Variants in CSMD2 observed in about 807,000 individuals in gnomAD.
CSMD2 encodes CUB and Sushi multiple domains 2, also known as CUB and sushi domain-containing protein 2.
CSMD2 carries 130 observed loss-of-function variants against 398.5 expected under a neutral mutation model. That is an observed-to-expected ratio of 0.33 (90% CI 0.28 to 0.38). The LOEUF is 0.38. CSMD2 is among the 10% of genes least tolerant of loss of function. CSMD2 has a pLI of 1.00. For synonymous variants in CSMD2, 1,828 were observed against 1,908.5 expected (o/e 0.96, Z 1.10); for missense variants, 3,829 against 4,764.9 (o/e 0.80, Z 5.78).
intron 5 of CSMD2, among the ~76,000 whole-genome samples, chr1:33,860,296 G>A (rs1369936811): frequency 1.3e-5 from 2 of 152,166 alleles, no homozygotes; most frequent in South Asian, 2.1e-4. Context: ...GTACTGATCA[G>A]GTATTTGGTA....
chr1:33,626,047 G>A (rs535863051), intron 33 of CSMD2, among the ~76,000 whole-genome samples: 1 of 152,354 alleles, frequency 6.6e-6, no homozygotes, highest in East Asian at 1.9e-4. Flanking sequence ...CGTAGCTGGA[G>A]CCTAGCTCGA....
chr1:33,911,817 A>AAAGGGAGATGCCTAGGCTCC (rs1553251385), intron 5 of CSMD2, among the ~76,000 whole-genome samples: 1 of 152,204 alleles, frequency 6.6e-6, no homozygotes, highest in African/African-American at 2.4e-5. Flanking sequence ...GCCTAGGCTC[A>AAAGGGAGATGCCTAGGCTCC]AAGGTAGATG....
chr1:34,162,128 C>T (rs1364710155), intron 1 of CSMD2, among the ~76,000 whole-genome samples: 2 of 145,840 alleles, frequency 1.4e-5, no homozygotes, highest in African/African-American at 2.5e-5. Context: ...GCCGAGATTG[C>T]GCCATTGCAC....
At chr1:33,627,734 G>T (rs1045756892) in intron 32 of CSMD2, among the ~76,000 whole-genome samples, 2 of 152,246 alleles carry the variant, frequency 1.3e-5, no homozygotes. Context: ...CAGCTAACAT[G>T]TAGCTGCCAA....
intron 19 of CSMD2, among the ~76,000 whole-genome samples, chr1:33,721,621 C>T (rs1448780353): frequency 6.6e-6 from 1 of 152,166 alleles, no homozygotes. Flanking sequence ...CCCTCCCCTC[C>T]TTAGGAACAA....
intron 1 of CSMD2, among the ~76,000 whole-genome samples, chr1:34,150,604 G>A (rs1281256947): frequency 6.6e-6 from 1 of 152,076 alleles, no homozygotes; most frequent in Admixed American, 6.5e-5. Context: ...CTAAGCATAG[G>A]GCCTGAGTGT....
chr1:33,812,933 G>A (rs1657023450), intron 9 of CSMD2: 1 of 152,036 alleles, frequency 6.6e-6, no homozygotes, highest in African/African-American at 2.4e-5. Context: ...AAGTACACTC[G>A]AGACTGGCAA....
chr1:34,041,413 C>CT, intron 2 of CSMD2, among the ~76,000 whole-genome samples: 1 of 152,320 alleles, frequency 6.6e-6, no homozygotes, highest in Middle Eastern at 3.4e-3. Context: ...AATTCTTCCC[C>CT]TTTATGCATG....
Position 33,559,225 on chromosome 1 carries a change from C to T in CSMD2, c.8554+75G>A. On this transcript the variant is annotated intron_variant, in intron 54 of 70. Transcript: ENST00000373381. This position sits in a 1 kb window ranked among gnomAD's most constrained non-coding sequence, Gnocchi z 4.0. ...AATGATGCCAGAATGAATTCACTGG[C>T]TTCTTTTTCTGAGCTACAGAACCAC... 2 of 1,349,504 alleles carry T rather than the reference C, an allele frequency of 1.5e-6. No individual in the cohort carries two copies. Among genetic ancestry groups the T allele is most frequent in the Non-Finnish European group, 2.0e-6 (2 of 994,958 alleles). The allele number at this position is 1,349,504 out of a possible 1,614,324, so 83.6% of individuals were successfully genotyped here. A position where few individuals can be genotyped will look rare whatever the true frequency, so the allele number is the denominator to read the frequency against.
intron 48 of CSMD2, among the ~76,000 whole-genome samples, chr1:33,579,698 G>C (rs1286238625): frequency 6.8e-6 from 1 of 148,102 alleles, no homozygotes; most frequent in Non-Finnish European, 1.5e-5. Context: ...TTTTTTTTGA[G>C]ACAGAGTTTC....
chr1:33,807,327 G>A (rs574462435), intron 10 of CSMD2, among the ~76,000 whole-genome samples: 25 of 152,240 alleles, frequency 1.6e-4, no homozygotes, highest in South Asian at 1.0e-3. Context: ...GACAGGATCC[G>A]TACCCCAACC....
chr1:34,064,584 C>T (rs1316157050), intron 2 of CSMD2, among the ~76,000 whole-genome samples: 3 of 152,116 alleles, frequency 2.0e-5, no homozygotes, highest in East Asian at 1.9e-4. Flanking sequence ...ATTTCAAAGC[C>T]GTTCAACAAA....
chr1:34,035,658 C>T (rs1483512490), intron 2 of CSMD2, among the ~76,000 whole-genome samples: 2 of 144,192 alleles, frequency 1.4e-5, no homozygotes, highest in Admixed American at 6.9e-5. Context: ...TTTCAACACC[C>T]GTTTGTAGTT....
chr1:34,054,157 G>C (rs768758539), intron 2 of CSMD2, among the ~76,000 whole-genome samples: 1 of 151,928 alleles, frequency 6.6e-6, no homozygotes, highest in Admixed American at 6.6e-5. Context: ...GACTTTATCT[G>C]GATTTTGCCT....
intron 7 of CSMD2, among the ~76,000 whole-genome samples, chr1:33,825,262 C>T (rs1200774326): frequency 5.3e-5 from 8 of 152,282 alleles, no homozygotes; most frequent in Non-Finnish European, 1.0e-4. Context: ...ACTAGGCATT[C>T]CCCTGCCTCC....
At chr1:33,831,691 G>T (rs2125037295) in intron 6 of CSMD2, among the ~76,000 whole-genome samples, 1 of 152,218 alleles carries the variant, frequency 6.6e-6, no homozygotes, top group East Asian at 1.9e-4. Flanking sequence ...TGGACTAAAT[G>T]CTCCAATTAA....
chr1:33,872,255 G>A (rs1640528016), intron 5 of CSMD2, among the ~76,000 whole-genome samples: 1 of 152,072 alleles, frequency 6.6e-6, no homozygotes, highest in South Asian at 2.1e-4. Flanking sequence ...TACTGCTTAT[G>A]TGAGAAGAGA....
At chr1:33,747,340 C>G (rs1191425844) in intron 13 of CSMD2, among the ~76,000 whole-genome samples, 1 of 152,128 alleles carries the variant, frequency 6.6e-6, no homozygotes, top group African/African-American at 2.4e-5. Flanking sequence ...GTAGAATATT[C>G]CAGATTCTAC....
intron 29 of CSMD2, among the ~76,000 whole-genome samples, chr1:33,643,325 T>G (rs1643219185): frequency 6.6e-6 from 1 of 152,224 alleles, no homozygotes; most frequent in Non-Finnish European, 1.5e-5. Flanking sequence ...CCACACTTAT[T>G]ACATGTGCAA....
Sources: allele counts gnomAD v4.1 joint callset (sites outside exome capture counted in the v4.1 genomes callset), GRCh38; gene constraint gnomAD v4.1.1; non-coding constraint Gnocchi (gnomAD v3.1); transcripts MANE v1.5; gene names NCBI Gene and HGNC (gene_info 2026-07-23, HGNC 2026-07-21).